SH3RF3: variants seen among roughly 807,000 people sequenced by gnomAD.
SH3RF3 encodes E3 ubiquitin-protein ligase SH3RF3.
SH3RF3 carries 29 observed loss-of-function variants against 66.3 expected under a neutral mutation model. The ratio of observed to expected loss-of-function variants is 0.44; its 90% CI spans 0.33 to 0.60. The LOEUF is 0.60. Among genes scored for constraint, SH3RF3 ranks in the 20% least tolerant of loss-of-function variants. SH3RF3 has a pLI of 0.04. For missense variants in SH3RF3, 1,194 were observed against 1,190.9 expected (o/e 1.00, Z -0.04); for synonymous variants, 583 against 532.0 (o/e 1.10, Z -1.32).
chr2:109,296,705 T>C (rs917421033), intron 1 of SH3RF3, among the ~76,000 whole-genome samples: 7 of 152,112 alleles, frequency 4.6e-5, no homozygotes, highest in African/African-American at 1.7e-4. Context: ...GCAGCAGAGA[T>C]TCTGCAGAGT....
chr2:109,334,358 TAAAAAA>T (rs372662372), intron 1 of SH3RF3, among the ~76,000 whole-genome samples: 2 of 126,120 alleles, frequency 1.6e-5, no homozygotes, highest in African/African-American at 6.0e-5. Flanking sequence ...TTTTTTCCTT[TAAAAAA>T]AAAAAAAAAA....
chr2:109,155,629 G>T lies in SH3RF3; in HGVS notation c.573+25516G>T, dbSNP rs947815979. Among the ~76,000 whole-genome samples the T allele has an allele frequency of 2.6e-5, 4 of 152,210 alleles. No individual in the cohort carries two copies. The South Asian group carries it at 8.3e-4, about 32-fold the overall frequency. On this transcript the variant is annotated intron_variant, in intron 1 of 9. Transcript: ENST00000309415. ...TCTTTGTTTTGATGACACAATTTTG[G>T]CTATTTGTGATTTATTTCAAGCAGT...
intron 1 of SH3RF3, among the ~76,000 whole-genome samples, chr2:109,290,239 C>T (rs772258874): frequency 1.3e-5 from 2 of 152,208 alleles, no homozygotes; most frequent in Admixed American, 6.5e-5. Flanking sequence ...ATCATTCCTT[C>T]TCTTTGTCAG....
At position 109,399,614 on chromosome 2, in the gene SH3RF3, A is replaced by G. The variant is rs2104443457; in HGVS notation, c.1299+671A>G. Among the ~76,000 whole-genome samples, 3 of 152,320 alleles carry G rather than the reference A, an allele frequency of 2.0e-5. No homozygotes were observed. The Middle Eastern group carries it at 0.01, about 518-fold the overall frequency. ...AAGACCCTGTCTCTACAAGCAACCA[A>G]TCAGTCAATCAATAAAATAAAATAA... On this transcript the variant is annotated intron_variant, in intron 4 of 9. Transcript: ENST00000309415.
intron 2 of SH3RF3, among the ~76,000 whole-genome samples, chr2:109,369,030 C>T (rs980793628): frequency 1.3e-5 from 2 of 152,084 alleles, no homozygotes; most frequent in African/African-American, 4.8e-5. Context: ...ACTCTAGTGT[C>T]CTCGTGGTGT....
At chr2:109,444,797 C>G (rs555077990) in intron 7 of SH3RF3, among the ~76,000 whole-genome samples, 1 of 152,192 alleles carries the variant, frequency 6.6e-6, no homozygotes, top group Admixed American at 6.5e-5. Flanking sequence ...GATTTCAAAA[C>G]ACAAAAGGGA....
intron 1 of SH3RF3, among the ~76,000 whole-genome samples, chr2:109,279,127 C>A (rs915695552): frequency 1.3e-5 from 2 of 152,316 alleles, no homozygotes; most frequent in Middle Eastern, 3.4e-3. Context: ...ACCTGGAAAA[C>A]CATCCATGGG....
At chr2:109,132,804 T>G (rs1676728292) in intron 1 of SH3RF3, among the ~76,000 whole-genome samples, 1 of 152,220 alleles carries the variant, frequency 6.6e-6, no homozygotes, top group South Asian at 2.1e-4. Context: ...AAAATCCCTT[T>G]AACATCCCAA....
intron 3 of SH3RF3, among the ~76,000 whole-genome samples, chr2:109,379,900 A>G (rs898860552): frequency 1.3e-5 from 2 of 152,228 alleles, no homozygotes; most frequent in Non-Finnish European, 2.9e-5. Flanking sequence ...ATGTCTGAAC[A>G]GAGTGGTCCA....
intron 1 of SH3RF3, among the ~76,000 whole-genome samples, chr2:109,276,420 C>T (rs1029230983): frequency 5.9e-5 from 9 of 152,124 alleles, no homozygotes; most frequent in Admixed American, 6.6e-5. Flanking sequence ...AGTCCAGGCC[C>T]GTCTGAAGGC....
chr2:109,224,542 C>T (rs1474018262), intron 1 of SH3RF3, among the ~76,000 whole-genome samples: 5 of 152,282 alleles, frequency 3.3e-5, no homozygotes, highest in Middle Eastern at 6.8e-3. Flanking sequence ...ATGTGGCCGG[C>T]GTGGCTCAGG....
At chr2:109,424,955 A>C (rs972035127) in intron 5 of SH3RF3, among the ~76,000 whole-genome samples, 10 of 152,376 alleles carry the variant, frequency 6.6e-5, no homozygotes, top group South Asian at 2.1e-4. Flanking sequence ...AGATAGGCTG[A>C]AACTTGTGCC....
rs76861173 is a variant in SH3RF3, at chr2:109,248,208, G to A, written c.574-99466G>A. On this transcript the variant is annotated intron_variant, in intron 1 of 9. Transcript: ENST00000309415. ...TATTAATTCTTTCATTGCTATATATGTTGATTCAGATGAATAGGAGTTCTT... is the reference window on the plus strand; with the variant it reads ...TATTAATTCTTTCATTGCTATATATATTGATTCAGATGAATAGGAGTTCTT... 8.5e-4 allele frequency among the ~76,000 whole-genome samples: 130 copies of A among 152,292 alleles called. 1 individual carries two copies. In the East Asian group the frequency reaches 0.023, roughly 27 times the overall value.
At chr2:109,197,716 C>T (rs762283175) in intron 1 of SH3RF3, among the ~76,000 whole-genome samples, 3 of 152,206 alleles carry the variant, frequency 2.0e-5, no homozygotes, top group African/African-American at 7.2e-5. Flanking sequence ...CGGGTGTGTG[C>T]CTTGCTGGAG....
chr2:109,487,700 C>G (rs916129036), intron 8 of SH3RF3, among the ~76,000 whole-genome samples: 3 of 152,200 alleles, frequency 2.0e-5, no homozygotes, highest in African/African-American at 7.2e-5. Context: ...CCACCATACC[C>G]CACGTCCAGG....
At chr2:109,178,740 G>T (rs1677990820) in intron 1 of SH3RF3, among the ~76,000 whole-genome samples, 1 of 152,168 alleles carries the variant, frequency 6.6e-6, no homozygotes, top group East Asian at 1.9e-4. Context: ...TAATTGGTGT[G>T]TCGTGTAGTT....
intron 1 of SH3RF3, among the ~76,000 whole-genome samples, chr2:109,144,811 T>C (rs1181941323): frequency 1.3e-5 from 2 of 152,224 alleles, no homozygotes; most frequent in Admixed American, 6.5e-5. Flanking sequence ...AGCAGAGCAC[T>C]GACCCGGGGT....
intron 2 of SH3RF3, among the ~76,000 whole-genome samples, chr2:109,364,533 G>C (rs914908679): frequency 6.6e-6 from 1 of 152,200 alleles, no homozygotes; most frequent in Admixed American, 6.5e-5. Context: ...AGTATGTACT[G>C]TGATATTTTC....
intron 1 of SH3RF3, among the ~76,000 whole-genome samples, chr2:109,323,442 T>C (rs1682076432): frequency 6.6e-6 from 1 of 152,220 alleles, no homozygotes; most frequent in Non-Finnish European, 1.5e-5. Context: ...TCCCAAAGAA[T>C]ATTCAGTGAG....
Sources: gnomAD v4.1 joint callset for allele counts (sites outside exome capture counted in the v4.1 genomes callset) on GRCh38, gnomAD v4.1.1 for gene constraint, MANE v1.5 for transcripts, NCBI Gene and HGNC (gene_info 2026-07-23, HGNC 2026-07-21) for gene names.